The following NUDCD1 variants were observed in gnomAD, a reference collection of about 807,000 sequenced individuals.
NUDCD1 encodes NudC domain containing 1.
A neutral mutation model predicts 67.8 loss-of-function variants in NUDCD1; 60 were observed. The ratio of observed to expected loss-of-function variants is 0.88; its 90% CI spans 0.72 to 1.10. The LOEUF (loss-of-function observed/expected upper bound fraction) is 1.10. Ranked by LOEUF, NUDCD1 falls within the 50% of genes least tolerant of loss-of-function variation. The pLI, the probability that NUDCD1 is intolerant of heterozygous loss-of-function variation, is 0.00. For synonymous variants in NUDCD1, 244 were observed against 230.8 expected, an observed-to-expected ratio of 1.06 and a Z score of -0.52; for missense variants, 643 against 695.0, an observed-to-expected ratio of 0.93 and a Z score of 0.84.
At chr8:109,322,775 C>T (rs1358358400) in intron 1 of NUDCD1, among the ~76,000 whole-genome samples, 1 of 152,068 alleles carries the variant, frequency 6.6e-6, no homozygotes, top group East Asian at 1.9e-4. Flanking sequence ...AACAGAAATT[C>T]TAAAATTGAA....
At chr8:109,305,737 A>G (rs895501186) in intron 2 of NUDCD1, among the ~76,000 whole-genome samples, 1 of 151,982 alleles carries the variant, frequency 6.6e-6, no homozygotes, top group African/African-American at 2.4e-5. Flanking sequence ...GACCCCTCAA[A>G]TTCTACAACC....
At chr8:109,256,069 G>C (rs972833588) in intron 8 of NUDCD1, among the ~76,000 whole-genome samples, 1 of 151,982 alleles carries the variant, frequency 6.6e-6, no homozygotes, top group Admixed American at 6.6e-5. Flanking sequence ...AAATTAGCTA[G>C]GCGTGTTGGG....
At chr8:109,259,236 C>T (rs377071240) in intron 8 of NUDCD1, among the ~76,000 whole-genome samples, 10 of 152,300 alleles carry the variant, frequency 6.6e-5, no homozygotes, top group African/African-American at 2.2e-4. Context: ...AAACAAAGTA[C>T]AGGAAGGCTT....
At chr8:109,272,772 C>G (rs1814186373) in intron 7 of NUDCD1, among the ~76,000 whole-genome samples, 1 of 152,092 alleles carries the variant, frequency 6.6e-6, no homozygotes, top group African/African-American at 2.4e-5. Flanking sequence ...CATGTCCCAG[C>G]TGGGATATGG....
chr8:109,245,506 T>A (rs1264436146), intron 8 of NUDCD1, 25 bp from the exon 9 acceptor site: 34 of 1,572,364 alleles, frequency 2.2e-5, no homozygotes, highest in Non-Finnish European at 2.8e-5. Context: ...AAAAAAAAAT[T>A]TACTCAACAA....
At position 109,280,992 on chromosome 8, in the gene NUDCD1, G is replaced by A. The variant is rs778521890; in HGVS notation, c.1004C>T (p.Thr335Ile). The A allele has an allele frequency of 1.9e-6, 3 of 1,591,298 alleles. No homozygotes were observed. The highest frequency in any genetic ancestry group is 4.5e-5 in the East Asian group (2 of 44,626). ...LYSSIDHESS[T>I]WIIKESNSLE... ...CCTATTACTCTCTTTAATTATCCATGTACTGCTTTCATGATCAATAGATGA... is the reference window on the plus strand; with the variant it reads ...CCTATTACTCTCTTTAATTATCCATATACTGCTTTCATGATCAATAGATGA... The change falls in exon 6 of 10, where the codon ACA (threonine) becomes ATA (isoleucine). Residue 335 changes from threonine (T) to isoleucine (I), a missense_variant. Coordinates refer to ENST00000239690, the MANE Select transcript of NUDCD1 (RefSeq NM_032869.4).
Position 109,241,597 on chromosome 8 carries a change from A to G in NUDCD1, c.*1412T>C, listed in dbSNP as rs548333158. ...ACTCCAATTGTCAATACCAGTCCTC[A>G]GGACCTTTCCTAACTTTCTACCTAG... is the stretch of plus-strand genomic sequence containing the variant. On this transcript the variant is annotated 3_prime_UTR_variant, in exon 10 of 10. Coordinates refer to ENST00000239690, the MANE Select transcript of NUDCD1 (RefSeq NM_032869.4). 6.6e-6 allele frequency: 1 copy of G among 152,440 alleles called. No individual in the cohort carries two copies. Among genetic ancestry groups the G allele is most frequent in the South Asian group, 2.1e-4 (1 of 4,832 alleles). 9.4% of individuals were successfully genotyped at this position (152,440 alleles called of 1,614,324 possible).
chr8:109,308,377 G>A (rs1179146303), intron 2 of NUDCD1, among the ~76,000 whole-genome samples: 1 of 152,098 alleles, frequency 6.6e-6, no homozygotes, highest in Non-Finnish European at 1.5e-5. Context: ...CGGAAAGTCT[G>A]AAAGAGCACA....
intron 8 of NUDCD1, among the ~76,000 whole-genome samples, chr8:109,261,631 G>A (rs2054255): frequency 0.48 from 72,116 of 149,210 alleles, 17,908 homozygotes; most frequent in African/African-American, 0.64. Flanking sequence ...GGAAAAAGGC[G>A]TAAGGAGATA....
At chr8:109,244,748 CTA>C (rs967738397) in intron 9 of NUDCD1, among the ~76,000 whole-genome samples, 28 of 152,220 alleles carry the variant, frequency 1.8e-4, no homozygotes, top group African/African-American at 6.7e-4. Context: ...TTGCATACGT[CTA>C]TAATTAAGTA....
At position 109,281,076 on chromosome 8, in the gene NUDCD1, A is replaced by G; in HGVS notation, c.920T>C (p.Leu307Ser). 6.2e-7 allele frequency: 1 copy of G among 1,612,832 alleles called. No homozygotes were observed. The highest frequency in any genetic ancestry group is 8.5e-7 in the Non-Finnish European group (1 of 1,178,950). ...CAGTACAATGTTGATGTGATCAGGC[A>G]AAAACTGTATTTGAATGTCCTCCTT... ...STKEDIQIQF[L>S]PDHINIVLKD... The change falls in exon 6 of 10, where the codon TTG (leucine) becomes TCG (serine). Residue 307 changes from leucine (L) to serine (S), a missense_variant. Leu to Ser is a moderately radical substitution (Grantham distance 145, BLOSUM62 -2). Transcript: ENST00000239690.
At chr8:109,309,004 G>C (rs1815176203) in intron 2 of NUDCD1, among the ~76,000 whole-genome samples, 1 of 150,564 alleles carries the variant, frequency 6.6e-6, no homozygotes, top group Non-Finnish European at 1.5e-5. Context: ...GGACCAGACA[G>C]ATTCACAGCA....
At chr8:109,331,765 T>C (rs1586319086) in intron 1 of NUDCD1, among the ~76,000 whole-genome samples, 1 of 152,188 alleles carries the variant, frequency 6.6e-6, no homozygotes, top group African/African-American at 2.4e-5. Flanking sequence ...TTAAGAAACA[T>C]CTCCACCTAG....
chr8:109,295,506 A>C (rs1814822957), intron 3 of NUDCD1, among the ~76,000 whole-genome samples: 1 of 152,158 alleles, frequency 6.6e-6, no homozygotes, highest in Non-Finnish European at 1.5e-5. Context: ...AACATACTAT[A>C]ATTTGGTAGT....
At chr8:109,291,994 C>T (rs1271244666) in intron 4 of NUDCD1, among the ~76,000 whole-genome samples, 1 of 151,996 alleles carries the variant, frequency 6.6e-6, no homozygotes, top group East Asian at 1.9e-4. Context: ...AAACTAGGAC[C>T]CTTGAGCCAA....
chr8:109,245,179 T>C, intron 9 of NUDCD1, 143 bp downstream of exon 9: 3 of 753,342 alleles, frequency 4.0e-6, no homozygotes, highest in East Asian at 2.7e-5. Flanking sequence ...TCACAACTAG[T>C]ACAAGCAAAC....
chr8:109,253,900 A>G (rs896407265), intron 8 of NUDCD1, among the ~76,000 whole-genome samples: 1 of 152,212 alleles, frequency 6.6e-6, no homozygotes, highest in African/African-American at 2.4e-5. Context: ...TTGAAGTGGA[A>G]AACAGGGGAA....
intron 8 of NUDCD1, among the ~76,000 whole-genome samples, chr8:109,248,157 C>T (rs892422380): frequency 1.3e-5 from 2 of 152,278 alleles, no homozygotes; most frequent in East Asian, 1.9e-4. Context: ...AGGATGGGCC[C>T]GGCCACAAGC....
chr8:109,268,781 C>A (rs529651362), intron 8 of NUDCD1, among the ~76,000 whole-genome samples: 1 of 152,130 alleles, frequency 6.6e-6, no homozygotes, highest in Non-Finnish European at 1.5e-5. Flanking sequence ...CTATCAGTCA[C>A]GCCTGCAACT....
Sources: gnomAD v4.1 joint callset for allele counts (sites outside exome capture counted in the v4.1 genomes callset) on GRCh38, gnomAD v4.1.1 for gene constraint, MANE v1.5 for transcripts, NCBI Gene and HGNC (gene_info 2026-07-23, HGNC 2026-07-21) for gene names.